Variants in SLC44A5 observed in about 807,000 individuals in gnomAD.
The protein encoded by SLC44A5 is choline transporter-like protein 5.
In SLC44A5, 57 loss-of-function variants were observed where a neutral mutation model predicts 101.8. The ratio of observed to expected loss-of-function variants is 0.56; its 90% CI spans 0.45 to 0.70. The LOEUF (loss-of-function observed/expected upper bound fraction) is 0.70. Among genes scored for constraint, SLC44A5 ranks in the 30% least tolerant of loss-of-function variants. SLC44A5 has a pLI of 0.00. For missense variants in SLC44A5, 737 were observed against 853.1 expected, an observed-to-expected ratio of 0.86 and a Z score of 1.70; for synonymous variants, 281 against 290.9, an observed-to-expected ratio of 0.97 and a Z score of 0.35.
At chr1:75,226,507 G>T (rs611899) in intron 13 of SLC44A5, among the ~76,000 whole-genome samples, 63,653 of 151,858 alleles carry the variant, frequency 0.42, 13,850 homozygotes, top group African/African-American at 0.5. Flanking sequence ...CAAATGTAGG[G>T]TGCTTTGGTG....
intron 6 of SLC44A5, among the ~76,000 whole-genome samples, chr1:75,265,211 T>G (rs1422583096): frequency 2.6e-5 from 4 of 152,216 alleles, no homozygotes; most frequent in African/African-American, 9.6e-5. Context: ...CTTCAAACTA[T>G]TCCAGAAAAT....
the SLC44A5 span, among the ~76,000 whole-genome samples, chr1:75,722,541 G>C: frequency 6.6e-6 from 1 of 152,230 alleles, no homozygotes; most frequent in African/African-American, 2.4e-5. Context: ...CTTATGATTA[G>C]GCATAATTGA....
At chr1:75,548,140 A>G (rs1671750835) in intron 1 of SLC44A5, among the ~76,000 whole-genome samples, 1 of 152,116 alleles carries the variant, frequency 6.6e-6, no homozygotes, top group Admixed American at 6.6e-5. Flanking sequence ...AAGTCTCCTC[A>G]CATCTCTAGT....
intron 4 of SLC44A5, chr1:75,311,573 A>G (rs1045836841): frequency 1.0e-5 from 10 of 984,934 alleles, no homozygotes; most frequent in Middle Eastern, 1.0e-3. Flanking sequence ...CCATTCTGAA[A>G]TATGGCCTTC....
chr1:75,322,023 T>C (rs577612349), intron 4 of SLC44A5, among the ~76,000 whole-genome samples: 216 of 152,236 alleles, frequency 1.4e-3, no homozygotes, highest in African/African-American at 4.9e-3. Context: ...TTTAAAAGGA[T>C]TGTTTACAGG....
chr1:75,670,444 G>A, the SLC44A5 span, among the ~76,000 whole-genome samples: 12 of 152,042 alleles, frequency 7.9e-5, no homozygotes, highest in African/African-American at 2.6e-4. Context: ...CTTCTTTTTT[G>A]CAATTCTAAA....
the SLC44A5 span, among the ~76,000 whole-genome samples, chr1:75,627,546 G>C: frequency 6.6e-6 from 1 of 151,844 alleles, no homozygotes; most frequent in Admixed American, 6.6e-5. Flanking sequence ...ATCCAGGCAC[G>C]GTGGCACACA....
At chr1:75,600,498 C>A (rs1674910298) in intron 1 of SLC44A5, among the ~76,000 whole-genome samples, 1 of 152,038 alleles carries the variant, frequency 6.6e-6, no homozygotes, top group Non-Finnish European at 1.5e-5. Context: ...TGAATTGTCT[C>A]ATCCAAATAT....
chr1:75,374,869 A>T (rs1304588919), intron 3 of SLC44A5, among the ~76,000 whole-genome samples: 1 of 152,216 alleles, frequency 6.6e-6, no homozygotes, highest in Non-Finnish European at 1.5e-5. Flanking sequence ...GTCCCATCCA[A>T]ATGACGGCAA....
intron 9 of SLC44A5, 97 bp from the exon 10 acceptor site, chr1:75,238,733 C>T: frequency 1.3e-6 from 1 of 793,204 alleles, no homozygotes; most frequent in Middle Eastern, 3.3e-4. Flanking sequence ...TAATCAAATT[C>T]TTGCTAGGCA....
intron 2 of SLC44A5, among the ~76,000 whole-genome samples, chr1:75,432,233 A>G (rs150959215): frequency 1.1e-3 from 161 of 152,276 alleles, no homozygotes; most frequent in African/African-American, 3.8e-3. Context: ...CAGCCAAAGG[A>G]GTTTCTACAC....
At chr1:75,310,571 T>C (rs1434712757) in intron 4 of SLC44A5, among the ~76,000 whole-genome samples, 1 of 152,206 alleles carries the variant, frequency 6.6e-6, no homozygotes, top group Non-Finnish European at 1.5e-5. Context: ...TGATTTGGAA[T>C]GCATGTTGAG....
At chr1:75,298,656 G>T (rs1321951882) in intron 5 of SLC44A5, among the ~76,000 whole-genome samples, 1 of 151,996 alleles carries the variant, frequency 6.6e-6, no homozygotes, top group Non-Finnish European at 1.5e-5. Context: ...AAGGAATAAG[G>T]CCTCCTAGTG....
chr1:75,468,538 G>A (rs1666940405), intron 2 of SLC44A5, among the ~76,000 whole-genome samples: 2 of 152,132 alleles, frequency 1.3e-5, no homozygotes, highest in South Asian at 4.1e-4. Flanking sequence ...GAAATTGGAG[G>A]TCATTATGCT....
At chr1:75,421,712 C>T (rs1412008083) in intron 2 of SLC44A5, among the ~76,000 whole-genome samples, 2 of 152,054 alleles carry the variant, frequency 1.3e-5, no homozygotes, top group Non-Finnish European at 2.9e-5. Context: ...TAGCTCATTG[C>T]TGCACTGCTA....
chr1:75,367,180 AG>A (rs959941751), intron 3 of SLC44A5, among the ~76,000 whole-genome samples: 23 of 152,316 alleles, frequency 1.5e-4, no homozygotes, highest in African/African-American at 4.8e-4. Context: ...ACTTTCAGCA[AG>A]TAAATACCTT....
chr1:75,590,928 GC>G (rs1248900260), intron 1 of SLC44A5, among the ~76,000 whole-genome samples: 1 of 152,128 alleles, frequency 6.6e-6, no homozygotes, highest in African/African-American at 2.4e-5. Flanking sequence ...TGGTTTTAGA[GC>G]CCCAGGGCCT....
At chr1:75,681,514 T>C in the SLC44A5 span, among the ~76,000 whole-genome samples, 1 of 151,492 alleles carries the variant, frequency 6.6e-6, no homozygotes, top group South Asian at 2.1e-4. Context: ...AACCACATGA[T>C]TATCTCAATA....
At chr1:75,676,807 T>C in the SLC44A5 span, among the ~76,000 whole-genome samples, 1 of 151,692 alleles carries the variant, frequency 6.6e-6, no homozygotes, top group East Asian at 1.9e-4. Context: ...AAAAGAAGAG[T>C]ACCTCAAGAC....
Sources: gnomAD v4.1 joint callset for allele counts (sites outside exome capture counted in the v4.1 genomes callset) on GRCh38, gnomAD v4.1.1 for gene constraint, MANE v1.5 for transcripts, NCBI Gene and HGNC (gene_info 2026-07-23, HGNC 2026-07-21) for gene names.